Variants in EIF2D observed in about 807,000 individuals in gnomAD.
The protein encoded by EIF2D is hepatocellular carcinoma-associated antigen 56.
A neutral mutation model predicts 77.4 loss-of-function variants in EIF2D; 56 were observed. That is an observed-to-expected ratio of 0.72 (90% CI 0.58 to 0.90). The LOEUF (loss-of-function observed/expected upper bound fraction) is 0.90, where lower values mean the gene tolerates loss of function less well. Ranked by LOEUF, EIF2D falls within the 40% of genes least tolerant of loss-of-function variation. The pLI is 0.00. For synonymous variants in EIF2D, 230 were observed against 271.0 expected, an observed-to-expected ratio of 0.85 and a Z score of 1.49; for missense variants, 574 against 706.5, an observed-to-expected ratio of 0.81 and a Z score of 2.13.
chr1:206,591,364 A>G (rs1192680501), downstream of EIF2D, among the ~76,000 whole-genome samples: 1 of 152,232 alleles, frequency 6.6e-6, no homozygotes, highest in African/African-American at 2.4e-5. Context: ...TCTGTTTTCT[A>G]CGTGACTAAC....
Position 206,578,791 on chromosome 1 carries a change from C to T in EIF2D, c.*254+1901G>A, listed in dbSNP as rs1321484181. On this transcript the variant is annotated intron_variant and NMD_transcript_variant, in intron 4 of 5. Coordinates refer to the EIF2D transcript ENST00000472709. ...GCCCACCTGGGAATACCAGAAGCCACGTGACTCACTCAGAGCCTCTCCTTA... is the reference window on the plus strand; with the variant it reads ...GCCCACCTGGGAATACCAGAAGCCATGTGACTCACTCAGAGCCTCTCCTTA... Among the ~76,000 whole-genome samples the T allele has an allele frequency of 9.2e-5, 14 of 152,190 alleles. 1 individual carries two copies. Among genetic ancestry groups the T allele is most frequent in the African/African-American group, 3.1e-4 (13 of 41,520 alleles).
chr1:206,607,015 TAGAGGCATCA>T (rs1319076140), intron 4 of EIF2D, among the ~76,000 whole-genome samples: 30 of 152,302 alleles, frequency 2.0e-4, no homozygotes, highest in African/African-American at 7.0e-4. Context: ...ACAGTGTCCC[TAGAGGCATCA>T]ATAAGATAAC....
chr1:206,589,185 T>TGTAA (rs1396040845), downstream of EIF2D: 3 of 152,886 alleles, frequency 2.0e-5, no homozygotes, highest in East Asian at 1.9e-4. Context: ...TTGCTCAGTG[T>TGTAA]GTAAGTGTTT....
At chr1:206,602,290 T>G in intron 7 of EIF2D, 46 bp downstream of exon 7, 180 of 1,523,914 alleles carry the variant, frequency 1.2e-4, no homozygotes, top group Non-Finnish European at 1.5e-4. Flanking sequence ...GGAGCACACG[T>G]GAGACCCCGG....
At chr1:206,598,840 T>C (rs1669778719) in intron 11 of EIF2D, among the ~76,000 whole-genome samples, 163 bp downstream of exon 11, 1 of 115,356 alleles carries the variant, frequency 8.7e-6, no homozygotes, top group Non-Finnish European at 1.8e-5. Flanking sequence ...CCCCAGACAA[T>C]AACTGAGTGT....
At chr1:206,585,972 C>T (rs553739960) in intron 2 of EIF2D, 1 of 152,410 alleles carries the variant, frequency 6.6e-6, no homozygotes, top group Admixed American at 6.5e-5. Flanking sequence ...GGCATCTGTG[C>T]AGAATATGTT....
At position 206,579,437 on chromosome 1, in the gene EIF2D, G is replaced by A. The variant is rs995548078; in HGVS notation, c.*254+1255C>T. The stretch of plus-strand genomic sequence containing the variant: ...CCTTAAGAATCTGGCAGGTGAATAG[G>A]AATCAGAGTCTTTGTCTTATCCTCT... On this transcript the variant is annotated intron_variant and NMD_transcript_variant, in intron 4 of 5. Transcript: ENST00000472709. This position sits in a 1 kb window ranked among gnomAD's most constrained non-coding sequence, Gnocchi z 4.2. 6.6e-6 allele frequency among the ~76,000 whole-genome samples: 1 copy of A among 152,186 alleles called. No homozygotes were observed. Among genetic ancestry groups the A allele is most frequent in the East Asian group, 1.9e-4 (1 of 5,204 alleles).
chr1:206,608,404 C>A, intron 3 of EIF2D, 78 bp from the exon 4 acceptor site: 1 of 1,202,834 alleles, frequency 8.3e-7, no homozygotes, highest in South Asian at 1.5e-5. Flanking sequence ...TTTCCTCACT[C>A]GCTCAACAAA....
At position 206,603,115 on chromosome 1, in the gene EIF2D, A is replaced by T; in HGVS notation, c.620T>A (p.Met207Lys). ...DLSEEKGSVQ[M>K]DSTLQGDMRH... ...CATGTCTCCCTGCAGGGTGGAGTCC[A>T]TCTGGACAGACCCCTTCTCTTCACT... Residue 207 changes from methionine (M) to lysine (K), a missense_variant, in exon 6 of 15, where the codon ATG (methionine) becomes AAG (lysine). Met to Lys is a moderately conservative substitution (Grantham distance 95). Coordinates refer to ENST00000271764, the MANE Select transcript of EIF2D (RefSeq NM_006893.3). The T allele has an allele frequency of 6.2e-7, 1 of 1,614,110 alleles. No homozygotes were observed. The highest frequency in any genetic ancestry group is 1.1e-5 in the South Asian group (1 of 91,068).
intron 4 of EIF2D, among the ~76,000 whole-genome samples, chr1:206,607,485 G>A (rs1262317258): frequency 2.0e-5 from 3 of 152,180 alleles, no homozygotes; most frequent in South Asian, 2.1e-4. Flanking sequence ...GAGGCTAGAC[G>A]TAGTGGCTCA....
downstream of EIF2D, among the ~76,000 whole-genome samples, chr1:206,570,498 A>G (rs113013837): frequency 5.9e-3 from 899 of 151,984 alleles, 3 homozygotes; most frequent in Non-Finnish European, 8.5e-3. Context: ...GTTTTCCCCA[A>G]CTGAAACTCC....
chr1:206,593,494 A>C lies in EIF2D; in HGVS notation c.1684+125T>G, dbSNP rs1201327740. The C allele has an allele frequency of 1.1e-3, 481 of 435,402 alleles. 3 individuals carry two copies. In the African/African-American group the frequency reaches 0.015, roughly 14 times the overall value. The allele number at this position is 435,402 out of a possible 1,614,324, so 27.0% of individuals were successfully genotyped here. A position where few individuals can be genotyped will look rare whatever the true frequency, so the allele number is the denominator to read the frequency against. ...GAGAGAGAGAGAGAGAGAGCGAGAG[A>C]GAGAGAGAGAGAGAGTGTGTGTGTG... On this transcript the variant is annotated intron_variant, in intron 14 of 14. Transcript: ENST00000271764.
intron 14 of EIF2D, among the ~76,000 whole-genome samples, chr1:206,593,110 C>CAA (rs71816820): frequency 0.015 from 2,200 of 144,912 alleles, 53 homozygotes; most frequent in African/African-American, 0.05. Context: ...GATTCTGTTT[C>CAA]AAAAAAAAAA....
chr1:206,611,016 T>C (rs1393465498), intron 2 of EIF2D, 168 bp downstream of exon 2: 8 of 604,928 alleles, frequency 1.3e-5, no homozygotes, highest in South Asian at 2.8e-5. Flanking sequence ...CATCCTAGAA[T>C]TGAAAGACCC....
rs781812429 is a variant in EIF2D at position 206,599,117 on chromosome 1, G to A, written c.1203-25C>T. ...CCTAGGTGAGGAGAAGTGACCCAGG[G>A]GTTAGTTCATGCTGTGCCATGAGAC... is the stretch of plus-strand genomic sequence containing the variant. On this transcript the variant is annotated intron_variant, in intron 10 of 14. Transcript: ENST00000271764. This position sits in a 1 kb window ranked among gnomAD's most constrained non-coding sequence, Gnocchi z 4.1. 3 of 1,609,520 alleles carry A rather than the reference G, an allele frequency of 1.9e-6. No homozygotes were observed. In the East Asian group the frequency reaches 6.7e-5, roughly 36 times the overall value.
chr1:206,596,399 C>T (rs569601703), intron 12 of EIF2D, among the ~76,000 whole-genome samples: 2 of 152,296 alleles, frequency 1.3e-5, no homozygotes, highest in African/African-American at 4.8e-5. Context: ...CTACTCAGTT[C>T]TGCCATTATA....
At chr1:206,608,500 A>G (rs1379771181) in intron 3 of EIF2D, among the ~76,000 whole-genome samples, 174 bp from the exon 4 acceptor site, 1 of 152,334 alleles carries the variant, frequency 6.6e-6, no homozygotes, top group Middle Eastern at 3.4e-3. Context: ...ATTAGTTATC[A>G]ACTATGTTAT....
intron 7 of EIF2D, 154 bp downstream of exon 7, chr1:206,602,182 G>A: frequency 1.7e-6 from 1 of 572,826 alleles, no homozygotes; most frequent in Non-Finnish European, 3.1e-6. Flanking sequence ...TTAGAACCCA[G>A]GAACTAATGT....
At chr1:206,611,686 C>G (rs141112278) in intron 1 of EIF2D, among the ~76,000 whole-genome samples, 13 of 152,342 alleles carry the variant, frequency 8.5e-5, no homozygotes, top group Non-Finnish European at 1.5e-4. Context: ...AGCCCTTGGG[C>G]CCACTCCTTT....
Sources: gnomAD v4.1 joint callset for allele counts (sites outside exome capture counted in the v4.1 genomes callset) on GRCh38, gnomAD v4.1.1 for gene constraint, Gnocchi (gnomAD v3.1) non-coding constraint, MANE v1.5 for transcripts, NCBI Gene and HGNC (gene_info 2026-07-23, HGNC 2026-07-21) for gene names.